C6orf58: variants seen among roughly 807,000 people sequenced by gnomAD.
C6orf58 encodes chromosome 6 open reading frame 58.
Under a neutral mutation model 37.0 loss-of-function variants are expected in C6orf58, and 30 were observed. The observed-to-expected ratio is 0.81, with a 90% CI of 0.61 to 1.10. The LOEUF is 1.10. Among genes scored for constraint, C6orf58 ranks in the 50% least tolerant of loss-of-function variants. The pLI, the probability that C6orf58 is intolerant of heterozygous loss-of-function variation, is 0.00. For synonymous variants in C6orf58, 143 were observed against 134.1 expected, an observed-to-expected ratio of 1.07 and a Z score of -0.46; for missense variants, 368 against 387.5, an observed-to-expected ratio of 0.95 and a Z score of 0.42.
chr6:127,587,225 G>A (rs1040928193), intron 4 of C6orf58, among the ~76,000 whole-genome samples: 2 of 151,994 alleles, frequency 1.3e-5, no homozygotes, highest in African/African-American at 4.8e-5. Context: ...AAAAGTACAA[G>A]TATTTGTTAA....
intron 4 of C6orf58, among the ~76,000 whole-genome samples, chr6:127,582,183 T>A (rs1775057034): frequency 6.6e-6 from 1 of 152,184 alleles, no homozygotes; most frequent in Non-Finnish European, 1.5e-5. Context: ...GTTCTCTTTA[T>A]GTTTTCATTA....
intron 4 of C6orf58, among the ~76,000 whole-genome samples, chr6:127,588,468 C>T (rs1775127965): frequency 6.6e-6 from 1 of 152,006 alleles, no homozygotes; most frequent in Admixed American, 6.6e-5. Flanking sequence ...TTTCTTTAGG[C>T]AAATATATAT....
intron 4 of C6orf58, among the ~76,000 whole-genome samples, chr6:127,588,406 G>A (rs772213668): frequency 1.3e-5 from 2 of 152,140 alleles, no homozygotes; most frequent in African/African-American, 2.4e-5. Flanking sequence ...CTGGGGCCAT[G>A]GTTACAATCT....
chr6:127,578,761 G>T lies in C6orf58; in HGVS notation c.377G>T (p.Ser126Ile). The T allele has an allele frequency of 6.2e-7, 1 of 1,612,048 alleles. No homozygotes were observed. Among genetic ancestry groups the T allele is most frequent in the Non-Finnish European group, 8.5e-7 (1 of 1,178,480 alleles). The stretch of plus-strand genomic sequence containing the variant: ...GATCATATGTGCATCTCTGTGGACA[G>T]TTGGTGGGCTGGTATGTTCGTTTAA... ...SGDHMCISVD[S>I]WWADLNYFLS... The change falls in exon 2 of 6, where the codon AGT becomes ATT. Residue 126 changes from serine to isoleucine, a missense_variant. Transcript: ENST00000329722.
intron 4 of C6orf58, among the ~76,000 whole-genome samples, chr6:127,586,719 G>T (rs936982459): frequency 2.6e-5 from 4 of 151,776 alleles, no homozygotes; most frequent in African/African-American, 9.7e-5. Context: ...AGAAGTGAAG[G>T]CCTGGCTGTT....
chr6:127,589,987 A>G (rs1334316450), intron 4 of C6orf58, 100 bp from the exon 5 acceptor site: 3 of 753,658 alleles, frequency 4.0e-6, no homozygotes, highest in Non-Finnish European at 6.6e-6. Flanking sequence ...TAAAATTATG[A>G]ATTTAGTTTG....
chr6:127,580,440 CT>C lies in C6orf58; in HGVS notation c.568del (p.Tyr190ThrfsTer15). 1 of 1,610,538 alleles carries C rather than the reference CT, an allele frequency of 6.2e-7. No homozygotes were observed. Among genetic ancestry groups the C allele is most frequent in the Non-Finnish European group, 8.5e-7 (1 of 1,177,322 alleles). On this transcript the variant is annotated frameshift_variant, in exon 3 of 6. Transcript: ENST00000329722. LOFTEE classifies it high-confidence loss of function. Reference sequence around the variant, plus strand: ...CTGAGACAATGAACAAGTGGAACACCTTTTACCAGGTTCCTTCTTTATACTC... The same window carrying C: ...CTGAGACAATGAACAAGTGGAACACCTTTACCAGGTTCCTTCTTTATACTC... ...FPETMNKWNT[F>X]YQYLQSPFSK...
At chr6:127,580,751 C>G (rs1272732146) in intron 3 of C6orf58, among the ~76,000 whole-genome samples, 1 of 151,876 alleles carries the variant, frequency 6.6e-6, no homozygotes, top group Non-Finnish European at 1.5e-5. Context: ...TCTTCATGTC[C>G]ACTAGGATAT....
chr6:127,577,627 T>C (rs954226066), intron 1 of C6orf58, 141 bp downstream of exon 1: 13 of 733,310 alleles, frequency 1.8e-5, no homozygotes, highest in Non-Finnish European at 2.9e-5. Context: ...TAATCATTGT[T>C]TTTCTACCTA....
rs373622591 is a variant in C6orf58, at chr6:127,586,361, C to A, written c.675-3726C>A. On this transcript the variant is annotated intron_variant, in intron 4 of 5. Transcript: ENST00000329722. ...AAAGGAAAAATAATTCTCAGCAAAC[C>A]AAGAGAGTCCTGCTAGCAGGTTTCC... 5.9e-5 allele frequency among the ~76,000 whole-genome samples: 9 copies of A among 152,154 alleles called. No homozygotes were observed. In the East Asian group the frequency reaches 1.2e-3, roughly 20 times the overall value.
At chr6:127,580,623 CTCAATACAGCA>C (rs1362471988) in intron 3 of C6orf58, among the ~76,000 whole-genome samples, 174 bp downstream of exon 3, 2 of 151,984 alleles carry the variant, frequency 1.3e-5, no homozygotes, top group Non-Finnish European at 2.9e-5. Flanking sequence ...CACCTACTGC[CTCAATACAGCA>C]TTAACATAAA....
At position 127,578,798 on chromosome 6, in the gene C6orf58, G is replaced by A. The variant is rs765657327; in HGVS notation, c.388+26G>A. The stretch of plus-strand genomic sequence containing the variant: ...GTATGTTCGTTTAAGTGGCAAAATA[G>A]ATATTAACCTTTCCTGAAAGAAAGC... On this transcript the variant is annotated intron_variant, in intron 2 of 5. Transcript: ENST00000329722. 3 of 1,509,544 alleles carry A rather than the reference G, an allele frequency of 2.0e-6. No homozygotes were observed. In the South Asian group the frequency reaches 3.4e-5, roughly 17 times the overall value. 93.5% of individuals were successfully genotyped at this position (1,509,544 alleles called of 1,614,324 possible).
intron 1 of C6orf58, among the ~76,000 whole-genome samples, chr6:127,578,448 A>T (rs555848450): frequency 1.3e-5 from 2 of 152,264 alleles, no homozygotes; most frequent in South Asian, 2.1e-4. Flanking sequence ...ATCCTTACAA[A>T]AGTAAATAAT....
intron 4 of C6orf58, among the ~76,000 whole-genome samples, chr6:127,582,393 G>A (rs1775059341): frequency 6.6e-6 from 1 of 152,092 alleles, no homozygotes; most frequent in South Asian, 2.1e-4. Flanking sequence ...AAATCTACTT[G>A]TTTTAACCAA....
chr6:127,584,218 A>C (rs747654639), intron 4 of C6orf58, among the ~76,000 whole-genome samples: 8 of 152,066 alleles, frequency 5.3e-5, no homozygotes, highest in Admixed American at 2.6e-4. Flanking sequence ...AATTGAATTA[A>C]ATATGTCTGT....
intron 4 of C6orf58, among the ~76,000 whole-genome samples, chr6:127,581,777 C>T (rs1775053465): frequency 6.6e-6 from 1 of 152,054 alleles, no homozygotes; most frequent in African/African-American, 2.4e-5. Context: ...TATGGAAACA[C>T]CTTGATTGGT....
chr6:127,581,110 A>G (rs1775045110), intron 3 of C6orf58, 72 bp from the exon 4 acceptor site: 1 of 648,452 alleles, frequency 1.5e-6, no homozygotes, highest in South Asian at 3.1e-5. Context: ...ATATATCTGA[A>G]CATGACTAAA....
In C6orf58 at chr6:127,584,138, A is replaced by G. The variant is rs141142667; in HGVS notation, c.674+2856A>G. 8.5e-3 allele frequency among the ~76,000 whole-genome samples: 1,296 copies of G among 152,316 alleles called. 13 individuals are homozygous for G. The highest frequency in any genetic ancestry group is 0.03 in the South Asian group (147 of 4,828). On this transcript the variant is annotated intron_variant, in intron 4 of 5. Coordinates refer to ENST00000329722, the MANE Select transcript of C6orf58 (RefSeq NM_001010905.3). ...GACATTTTCTAATAACCTTTTCACT[A>G]TTGTTATAGCATTTGCCTTCTCGCA...
chr6:127,581,450 G>A (rs1055097307), intron 4 of C6orf58, among the ~76,000 whole-genome samples, 168 bp downstream of exon 4: 1 of 150,624 alleles, frequency 6.6e-6, no homozygotes, highest in African/African-American at 2.4e-5. Context: ...ACATGATCAG[G>A]CTTAAAAAAG....
Sources: allele counts gnomAD v4.1 joint callset (sites outside exome capture counted in the v4.1 genomes callset), GRCh38; gene constraint gnomAD v4.1.1; transcripts MANE v1.5; gene names NCBI Gene and HGNC (gene_info 2026-07-23, HGNC 2026-07-21).